HSPA12A: variants seen among roughly 807,000 people sequenced by gnomAD.
The protein encoded by HSPA12A is heat shock 70 kDa protein 12A.
HSPA12A carries 28 observed loss-of-function variants against 69.2 expected under a neutral mutation model. The observed-to-expected ratio is 0.40, with a 90% CI of 0.30 to 0.55. The LOEUF (loss-of-function observed/expected upper bound fraction) is 0.55, where lower values mean the gene tolerates loss of function less well. HSPA12A is among the 20% of genes least tolerant of loss of function. The pLI, the probability that HSPA12A is intolerant of heterozygous loss-of-function variation, is 0.38. For missense variants in HSPA12A, 686 were observed against 900.7 expected (o/e 0.76, Z 3.05); for synonymous variants, 345 against 370.5 (o/e 0.93, Z 0.79).
At chr10:116,820,418 T>C (rs1236385607) in intron 2 of HSPA12A, among the ~76,000 whole-genome samples, 1 of 152,058 alleles carries the variant, frequency 6.6e-6, no homozygotes, top group African/African-American at 2.4e-5. Flanking sequence ...ACTGATCCTG[T>C]GGGAGGAAGC....
chr10:116,687,857 C>G, intron 6 of HSPA12A, among the ~76,000 whole-genome samples: 1 of 152,238 alleles, frequency 6.6e-6, no homozygotes, highest in East Asian at 1.9e-4. Flanking sequence ...AAGCACTTAA[C>G]ATATTCCGTC....
intron 2 of HSPA12A, among the ~76,000 whole-genome samples, chr10:116,803,944 A>G (rs974894071): frequency 1.3e-5 from 2 of 152,150 alleles, no homozygotes; most frequent in Non-Finnish European, 2.9e-5. Flanking sequence ...TTAAGCCATT[A>G]TTAGGTCCCC....
chr10:116,745,038 C>T (rs1195357930), upstream of HSPA12A, among the ~76,000 whole-genome samples: 1 of 152,168 alleles, frequency 6.6e-6, no homozygotes, highest in Non-Finnish European at 1.5e-5. Context: ...ACACAGGCCC[C>T]ACCTGGGGGG....
intron 2 of HSPA12A, among the ~76,000 whole-genome samples, chr10:116,822,205 A>G (rs1313036082): frequency 1.3e-5 from 2 of 152,162 alleles, no homozygotes; most frequent in African/African-American, 4.8e-5. Context: ...TCTCTCCATT[A>G]CCAGTGGAGG....
intron 2 of HSPA12A, among the ~76,000 whole-genome samples, chr10:116,799,307 T>G (rs1183104880): frequency 6.6e-6 from 1 of 152,166 alleles, no homozygotes; most frequent in Non-Finnish European, 1.5e-5. Flanking sequence ...GGCCTTCTGT[T>G]CCTTCATCTA....
rs190187055 is a variant in HSPA12A, at chr10:116,710,930, C to A, written c.41-3645G>T. Among the ~76,000 whole-genome samples the A allele has an allele frequency of 1.3e-5, 2 of 152,138 alleles. No homozygotes were observed. Among genetic ancestry groups the A allele is most frequent in the African/African-American group, 4.8e-5 (2 of 41,416 alleles). On this transcript the variant is annotated intron_variant, in intron 1 of 11. Transcript: ENST00000369209. The surrounding 1 kb of genome is among the most constrained non-coding windows in gnomAD (Gnocchi z 4.1). ...AAAAAACGGAAAAGCCTATCTCACC[C>A]CCTGAGGAGAATGGGGAGTTTAATT...
chr10:116,770,198 C>T (rs1844169643), intron 2 of HSPA12A, among the ~76,000 whole-genome samples: 1 of 152,154 alleles, frequency 6.6e-6, no homozygotes, highest in Admixed American at 6.5e-5. Flanking sequence ...TTGCCATGGT[C>T]ACACAGACAC....
intron 2 of HSPA12A, among the ~76,000 whole-genome samples, chr10:116,769,279 G>A (rs1442428225): frequency 6.6e-6 from 1 of 152,080 alleles, no homozygotes; most frequent in Non-Finnish European, 1.5e-5. Flanking sequence ...GGCTTGGTGG[G>A]GTCTTCTTAA....
chr10:116,770,453 C>T (rs1027424404), intron 2 of HSPA12A, among the ~76,000 whole-genome samples: 2 of 152,182 alleles, frequency 1.3e-5, no homozygotes, highest in South Asian at 4.1e-4. Flanking sequence ...GTCCGATGCC[C>T]TCCTTGGGTC....
At chr10:116,676,572 AC>A (rs1468184439) in intron 10 of HSPA12A, 70 bp from the exon 11 acceptor site, 2 of 1,187,462 alleles carry the variant, frequency 1.7e-6, no homozygotes, top group African/African-American at 3.0e-5. Flanking sequence ...ATCTGCATAG[AC>A]ACCTGCCCTG....
intron 9 of HSPA12A, 88 bp from the exon 10 acceptor site, chr10:116,679,849 C>G: frequency 7.2e-7 from 1 of 1,394,454 alleles, no homozygotes; most frequent in Non-Finnish European, 9.9e-7. Context: ...ACCTGTTCAT[C>G]TCTGAGCCAC....
intron 6 of HSPA12A, among the ~76,000 whole-genome samples, chr10:116,687,369 G>A (rs183870228): frequency 9.4e-4 from 143 of 152,232 alleles, no homozygotes; most frequent in African/African-American, 3.2e-3. Flanking sequence ...GGGAGGCCTC[G>A]GACAAAGTAA....
chr10:116,822,125 T>A (rs913027770), intron 2 of HSPA12A, among the ~76,000 whole-genome samples: 2 of 152,234 alleles, frequency 1.3e-5, no homozygotes, highest in Admixed American at 1.3e-4. Flanking sequence ...TCTGAGGACA[T>A]GGGATGTGGA....
rs1426866276 is a variant in HSPA12A, at chr10:116,674,196, G to A, written c.*585C>T. On this transcript the variant is annotated 3_prime_UTR_variant, in exon 12 of 12. Coordinates refer to ENST00000369209, the MANE Select transcript of HSPA12A (RefSeq NM_025015.3). ...AACCTCCTTGCTGTTTAAATGATAT[G>A]AGAATCTAAAACAGTGCCCAGTGTA... 1 of 154,548 alleles carries A rather than the reference G, an allele frequency of 6.5e-6. No homozygotes were observed. The highest frequency in any genetic ancestry group is 6.3e-5 in the Admixed American group (1 of 15,836). The allele number at this position is 154,548 out of a possible 1,614,324, so 9.6% of individuals were successfully genotyped here.
intron 2 of HSPA12A, among the ~76,000 whole-genome samples, chr10:116,825,938 A>G (rs1681725): frequency 0.55 from 82,990 of 152,058 alleles, 23,120 homozygotes; most frequent in East Asian, 0.86. Context: ...CTGTGAAACC[A>G]CATCCTAGGC....
At chr10:116,703,899 C>T (rs1159072814) in intron 3 of HSPA12A, among the ~76,000 whole-genome samples, 1 of 152,264 alleles carries the variant, frequency 6.6e-6, no homozygotes, top group Non-Finnish European at 1.5e-5. Context: ...GCTGCCTTCT[C>T]TCTGGCAGGT....
intron 2 of HSPA12A, among the ~76,000 whole-genome samples, chr10:116,771,585 G>T (rs79785116): frequency 0.019 from 2,888 of 152,318 alleles, 60 homozygotes; most frequent in East Asian, 0.12. Flanking sequence ...TTTCCGGAAT[G>T]AATACATCCA....
intron 2 of HSPA12A, among the ~76,000 whole-genome samples, chr10:116,811,936 G>C: frequency 6.6e-6 from 1 of 152,162 alleles, no homozygotes; most frequent in East Asian, 1.9e-4. Context: ...CCTCAATGGC[G>C]GCGGTGAGCA....
intron 1 of HSPA12A, among the ~76,000 whole-genome samples, chr10:116,719,344 T>G (rs1850704117): frequency 6.6e-6 from 1 of 151,998 alleles, no homozygotes; most frequent in Non-Finnish European, 1.5e-5. Flanking sequence ...GAGAAGAGGG[T>G]GGACGCACAG....
Sources: gnomAD v4.1 joint callset for allele counts (sites outside exome capture counted in the v4.1 genomes callset) on GRCh38, gnomAD v4.1.1 for gene constraint, Gnocchi (gnomAD v3.1) non-coding constraint, MANE v1.5 for transcripts, NCBI Gene and HGNC (gene_info 2026-07-23, HGNC 2026-07-21) for gene names.